JAZF1: variants seen among roughly 807,000 people sequenced by gnomAD.
The protein encoded by JAZF1 is juxtaposed with another zinc finger protein 1.
JAZF1 carries 8 observed loss-of-function variants against 26.4 expected under a neutral mutation model. The ratio of observed to expected loss-of-function variants is 0.30; its 90% CI spans 0.18 to 0.55. JAZF1 has a LOEUF of 0.55. Ranked by LOEUF, JAZF1 falls within the 20% of genes least tolerant of loss-of-function variation. JAZF1 has a pLI of 0.94. For synonymous variants in JAZF1, 126 were observed against 122.3 expected, an observed-to-expected ratio of 1.03 and a Z score of -0.20; for missense variants, 199 against 322.0, an observed-to-expected ratio of 0.62 and a Z score of 2.92.
At chr7:28,113,722 C>CA (rs1312180007) in intron 1 of JAZF1, among the ~76,000 whole-genome samples, 1 of 152,194 alleles carries the variant, frequency 6.6e-6, no homozygotes, top group Non-Finnish European at 1.5e-5. Flanking sequence ...TACGTAGTGA[C>CA]AGTCCTAGGT....
At chr7:28,151,808 G>A (rs1783116056) in intron 1 of JAZF1, among the ~76,000 whole-genome samples, 1 of 151,608 alleles carries the variant, frequency 6.6e-6, no homozygotes. Context: ...AAAACACAGA[G>A]GATAAAATCT....
chr7:27,853,868 G>A (rs1206852822), intron 3 of JAZF1, among the ~76,000 whole-genome samples: 2 of 152,212 alleles, frequency 1.3e-5, no homozygotes, highest in Non-Finnish European at 2.9e-5. Flanking sequence ...GGGGTGAAGA[G>A]TTCTGTAGAT....
intron 1 of JAZF1, among the ~76,000 whole-genome samples, chr7:28,043,769 G>A (rs1783445765): frequency 6.6e-6 from 1 of 151,926 alleles, no homozygotes; most frequent in South Asian, 2.1e-4. Context: ...ACAAAATGTA[G>A]TATATTCTTA....
Position 28,155,063 on chromosome 7 carries a change from A to C in JAZF1, c.115+25400T>G, listed in dbSNP as rs546591688. ...CGGTTTACTAAATTTGGTTGCAAGT[A>C]CTTTTCCCCACCAAACCACTCTGCA... On this transcript the variant is annotated intron_variant, in intron 1 of 4. Coordinates refer to ENST00000283928, the MANE Select transcript of JAZF1 (RefSeq NM_175061.4). Among the ~76,000 whole-genome samples the C allele has an allele frequency of 5.3e-5, 8 of 152,334 alleles. No individual in the cohort carries two copies. In the East Asian group the frequency reaches 1.5e-3, roughly 29 times the overall value.
intron 1 of JAZF1, among the ~76,000 whole-genome samples, chr7:28,025,645 A>G (rs960545838): frequency 1.3e-5 from 2 of 152,250 alleles, no homozygotes; most frequent in Non-Finnish European, 2.9e-5. Flanking sequence ...GAAACCAATC[A>G]GGGGTTTAAA....
rs528134733 is a variant in JAZF1 at position 28,096,421 on chromosome 7, C to T, written c.115+84042G>A. Among the ~76,000 whole-genome samples the T allele has an allele frequency of 5.3e-5, 8 of 152,350 alleles. No individual in the cohort carries two copies. In the South Asian group the frequency reaches 1.4e-3, roughly 28 times the overall value. ...GACCTTTCCCTTGTCATAAAAATAA[C>T]TGAAACCCTTACAGACATAATGAAA... is the stretch of plus-strand genomic sequence containing the variant. On this transcript the variant is annotated intron_variant, in intron 1 of 4. Transcript: ENST00000283928.
chr7:28,126,074 G>C (rs1163660685), intron 1 of JAZF1, among the ~76,000 whole-genome samples: 1 of 152,190 alleles, frequency 6.6e-6, no homozygotes, highest in African/African-American at 2.4e-5. Context: ...TATGGTTCAA[G>C]TGTAGCATAT....
intron 2 of JAZF1, among the ~76,000 whole-genome samples, chr7:27,976,075 T>A (rs1785463971): frequency 1.3e-5 from 2 of 152,182 alleles, no homozygotes; most frequent in African/African-American, 4.8e-5. Context: ...CTAGTCGCGA[T>A]GGCTCACGCC....
intron 2 of JAZF1, among the ~76,000 whole-genome samples, chr7:27,902,342 T>C (rs900229779): frequency 1.3e-5 from 2 of 152,228 alleles, no homozygotes; most frequent in Non-Finnish European, 2.9e-5. Context: ...CTTTACTACA[T>C]GTGATATACT....
In JAZF1 at chr7:27,840,679, C is replaced by T. The variant is rs1236224473; in HGVS notation, c.555+19G>A. 1.2e-6 allele frequency: 2 copies of T among 1,612,538 alleles called. No homozygotes were observed. Among genetic ancestry groups the T allele is most frequent in the East Asian group, 2.2e-5 (1 of 44,882 alleles). ...CCTGTTTCCATGTGGTTATGCCAAG[C>T]ATGCAGCACCTCTGTTACCTTGTAT... On this transcript the variant is annotated intron_variant, in intron 4 of 4. Transcript: ENST00000283928. This position sits in a 1 kb window ranked among gnomAD's most constrained non-coding sequence, Gnocchi z 5.1.
At chr7:28,028,718 A>T (rs2214717) in intron 1 of JAZF1, among the ~76,000 whole-genome samples, 136,780 of 152,234 alleles carry the variant, frequency 0.9, 62,187 homozygotes, top group African/African-American at 0.98. Context: ...TGAATAACAT[A>T]ACGCAACTAT....
chr7:28,180,047 C>G (rs1219602184), intron 1 of JAZF1, among the ~76,000 whole-genome samples: 1 of 147,306 alleles, frequency 6.8e-6, no homozygotes, highest in African/African-American at 2.4e-5. Flanking sequence ...TCCGACCACC[C>G]GGGCCAACTA....
At position 27,856,241 on chromosome 7, in the gene JAZF1, G is replaced by C. The variant is rs538594626; in HGVS notation, c.386-15374C>G. On this transcript the variant is annotated intron_variant, in intron 3 of 4. Coordinates refer to ENST00000283928, the MANE Select transcript of JAZF1 (RefSeq NM_175061.4). ...CTCAGGAGTGAAGCTGCAGACCTTCGCGGTGAGCGTTACAGCTCTTAAGGC... is the reference window on the plus strand; with the variant it reads ...CTCAGGAGTGAAGCTGCAGACCTTCCCGGTGAGCGTTACAGCTCTTAAGGC... Among the ~76,000 whole-genome samples the C allele has an allele frequency of 3.0e-4, 46 of 152,216 alleles. No individual in the cohort carries two copies. In the South Asian group the frequency reaches 9.6e-3, roughly 32 times the overall value.
chr7:27,848,298 T>C (rs1033663221), intron 3 of JAZF1, among the ~76,000 whole-genome samples: 4 of 152,250 alleles, frequency 2.6e-5, no homozygotes, highest in Admixed American at 2.0e-4. Flanking sequence ...TATTCCTTTT[T>C]TTGATGTGAT....
At chr7:27,843,805 T>G (rs1446954539) in intron 3 of JAZF1, 1 of 152,276 alleles carries the variant, frequency 6.6e-6, no homozygotes, top group Non-Finnish European at 1.5e-5. Context: ...AACGCCTGTG[T>G]GCACTAAGGC....
intron 1 of JAZF1, among the ~76,000 whole-genome samples, chr7:28,172,020 C>T (rs75146201): frequency 6.6e-6 from 1 of 152,140 alleles, no homozygotes; most frequent in Non-Finnish European, 1.5e-5. Context: ...CAAAATTTTA[C>T]AAGCCGCAAT....
intron 1 of JAZF1, among the ~76,000 whole-genome samples, chr7:28,000,104 G>A (rs549757193): frequency 6.6e-6 from 1 of 152,304 alleles, no homozygotes; most frequent in Non-Finnish European, 1.5e-5. Context: ...TGTGGATACT[G>A]TAGAAAAGCA....
chr7:27,864,840 A>G (rs559940154), intron 3 of JAZF1, among the ~76,000 whole-genome samples: 172 of 152,328 alleles, frequency 1.1e-3, no homozygotes, highest in African/African-American at 3.9e-3. Context: ...GGGGAGATCA[A>G]AATGACTTAT....
At chr7:27,932,535 C>A (rs1177169576) in intron 2 of JAZF1, among the ~76,000 whole-genome samples, 2 of 152,098 alleles carry the variant, frequency 1.3e-5, no homozygotes, top group Non-Finnish European at 2.9e-5. Flanking sequence ...TGATTCGCAA[C>A]ATGAAATACA....
Sources: allele counts gnomAD v4.1 joint callset (sites outside exome capture counted in the v4.1 genomes callset), GRCh38; gene constraint gnomAD v4.1.1; non-coding constraint Gnocchi (gnomAD v3.1); transcripts MANE v1.5; gene names NCBI Gene and HGNC (gene_info 2026-07-23, HGNC 2026-07-21).